MAPK8: variants seen among roughly 807,000 people sequenced by gnomAD.
MAPK8 encodes the protein mitogen-activated protein kinase 8.
A neutral mutation model predicts 52.9 loss-of-function variants in MAPK8; 13 were observed. The observed-to-expected ratio is 0.25, with a 90% CI of 0.16 to 0.39. The LOEUF (loss-of-function observed/expected upper bound fraction) is 0.39. Among genes scored for constraint, MAPK8 ranks in the 10% least tolerant of loss-of-function variants. The pLI, the probability that MAPK8 is intolerant of heterozygous loss-of-function variation, is 1.00. For synonymous variants in MAPK8, 191 were observed against 169.8 expected, an observed-to-expected ratio of 1.12 and a Z score of -0.97; for missense variants, 300 against 519.2, an observed-to-expected ratio of 0.58 and a Z score of 4.10.
At chr10:48,381,180 A>G in intron 1 of MAPK8, among the ~76,000 whole-genome samples, 1 of 152,240 alleles carries the variant, frequency 6.6e-6, no homozygotes, top group South Asian at 2.1e-4. Context: ...TACAATAAAC[A>G]GATCCATCTG....
chr10:48,366,681 C>A (rs1213314801), intron 1 of MAPK8, among the ~76,000 whole-genome samples: 1 of 152,120 alleles, frequency 6.6e-6, no homozygotes, highest in East Asian at 1.9e-4. Context: ...TTATTCTCTT[C>A]TATTTCACTA....
intron 1 of MAPK8, among the ~76,000 whole-genome samples, chr10:48,342,491 A>T (rs1845389979): frequency 6.6e-6 from 1 of 152,248 alleles, no homozygotes; most frequent in Non-Finnish European, 1.5e-5. Context: ...TTGAATGAGG[A>T]ATCAGTGAGC....
At chr10:48,359,810 T>G (rs1847352877) in intron 1 of MAPK8, among the ~76,000 whole-genome samples, 1 of 152,174 alleles carries the variant, frequency 6.6e-6, no homozygotes, top group African/African-American at 2.4e-5. Context: ...GTATAAAGCT[T>G]TTAATAACAT....
At chr10:48,403,211 G>T (rs544576409) in intron 2 of MAPK8, among the ~76,000 whole-genome samples, 47 of 152,206 alleles carry the variant, frequency 3.1e-4, no homozygotes, top group Middle Eastern at 6.8e-3. Flanking sequence ...TATAATCCCC[G>T]CACTTTGGGA....
chr10:48,404,930 C>G lies in MAPK8; in HGVS notation c.201C>G (p.Ala67=), dbSNP rs1248444891. 1.2e-6 allele frequency: 2 copies of G among 1,608,822 alleles called. No individual in the cohort carries two copies. Among genetic ancestry groups the G allele is most frequent in the African/African-American group, 1.3e-5 (1 of 74,726 alleles). The change falls in exon 3 of 12, where the codon GCC becomes GCG. Residue 67 remains alanine (A), a synonymous_variant. Transcript: ENST00000374189. ...GACCATTTCAGAATCAGACTCATGC[C>G]AAGCGGGCCTACAGAGAGCTAGTTC... ...LSRPFQNQTH[A]KRAYRELVLM...
At chr10:48,340,229 A>G (rs771223114) in intron 1 of MAPK8, among the ~76,000 whole-genome samples, 5 of 152,240 alleles carry the variant, frequency 3.3e-5, no homozygotes, top group Non-Finnish European at 5.9e-5. Flanking sequence ...ATAATCAGGA[A>G]TGAAATAATG....
rs779368787 is a variant in MAPK8 at position 48,434,861 on chromosome 10, C to T, written c.1139-23C>T. The T allele has an allele frequency of 3.8e-6, 6 of 1,586,300 alleles. No individual in the cohort carries two copies. The East Asian group carries it at 9.2e-5, about 24-fold the overall frequency. On this transcript the variant is annotated intron_variant, in intron 11 of 11. Coordinates refer to ENST00000374189, the MANE Select transcript of MAPK8 (RefSeq NM_001323329.2). ...TCTGCAGCTGTCTGCAACTGATTTG[C>T]TGTTTTGTTTCTCATAGCACAGGTG...
At chr10:48,403,046 T>TGA (rs2042239649) in intron 2 of MAPK8, among the ~76,000 whole-genome samples, 1 of 152,168 alleles carries the variant, frequency 6.6e-6, no homozygotes, top group African/African-American at 2.4e-5. Context: ...TATTTATGGA[T>TGA]TATATATATG....
chr10:48,428,131 A>C (rs766963278), intron 10 of MAPK8, among the ~76,000 whole-genome samples: 19 of 152,210 alleles, frequency 1.2e-4, no homozygotes, highest in Non-Finnish European at 2.4e-4. Flanking sequence ...CCTTGCCTAC[A>C]GAATGGGTTA....
At chr10:48,384,291 A>G (rs1270364953) in intron 1 of MAPK8, among the ~76,000 whole-genome samples, 1 of 152,208 alleles carries the variant, frequency 6.6e-6, no homozygotes, top group African/African-American at 2.4e-5. Flanking sequence ...CACCTTCACC[A>G]AAGACTTATG....
intron 1 of MAPK8, among the ~76,000 whole-genome samples, chr10:48,374,591 C>T (rs867766322): frequency 6.6e-6 from 1 of 152,178 alleles, no homozygotes; most frequent in East Asian, 1.9e-4. Flanking sequence ...CAACTACCAT[C>T]AGAGAATACT....
chr10:48,416,118 G>T (rs1367094536), intron 5 of MAPK8, among the ~76,000 whole-genome samples: 1 of 152,160 alleles, frequency 6.6e-6, no homozygotes. Flanking sequence ...CCCTTGGCTA[G>T]TACTTCTGCT....
At chr10:48,418,761 A>G (rs2043194572) in intron 5 of MAPK8, among the ~76,000 whole-genome samples, 1 of 152,194 alleles carries the variant, frequency 6.6e-6, no homozygotes, top group Admixed American at 6.5e-5. Flanking sequence ...ATGAATTTCA[A>G]TTAATAGTCT....
Position 48,351,506 on chromosome 10 carries a change from C to T in MAPK8, c.-50+44685C>T, listed in dbSNP as rs146932678. On this transcript the variant is annotated intron_variant, in intron 1 of 11. Coordinates refer to ENST00000374189, the MANE Select transcript of MAPK8 (RefSeq NM_001323329.2). Reference sequence around the variant, plus strand: ...ATTGTACCCATGAGTCATGGCACCTCGCCCTGACACAAATTTTAAAGGAGT... The same window carrying T: ...ATTGTACCCATGAGTCATGGCACCTTGCCCTGACACAAATTTTAAAGGAGT... Among the ~76,000 whole-genome samples, 533 of 151,780 alleles carry T rather than the reference C, an allele frequency of 3.5e-3. 5 individuals are homozygous for T. Among genetic ancestry groups the T allele is most frequent in the African/African-American group, 0.011 (448 of 41,372 alleles).
intron 1 of MAPK8, among the ~76,000 whole-genome samples, chr10:48,350,175 A>T (rs943797756): frequency 6.6e-6 from 1 of 152,248 alleles, no homozygotes; most frequent in African/African-American, 2.4e-5. Flanking sequence ...TCACAGCCGA[A>T]TTCTACCAGA....
At chr10:48,339,125 G>A (rs188724964) in intron 1 of MAPK8, among the ~76,000 whole-genome samples, 1 of 151,982 alleles carries the variant, frequency 6.6e-6, no homozygotes, top group African/African-American at 2.4e-5. Context: ...GCCTAAATAG[G>A]TAGAGCGATC....
intron 1 of MAPK8, among the ~76,000 whole-genome samples, chr10:48,377,385 C>T (rs1206904027): frequency 3.3e-5 from 5 of 152,002 alleles, no homozygotes; most frequent in African/African-American, 9.7e-5. Flanking sequence ...TTTCTTGGAC[C>T]CGTGGTAGAA....
chr10:48,327,532 G>T (rs1330300576), intron 1 of MAPK8, among the ~76,000 whole-genome samples: 1 of 152,092 alleles, frequency 6.6e-6, no homozygotes, highest in Non-Finnish European at 1.5e-5. Flanking sequence ...GAAAGATACT[G>T]GTCTGTAGCT....
At chr10:48,326,492 T>C (rs997522538) in intron 1 of MAPK8, among the ~76,000 whole-genome samples, 1 of 152,214 alleles carries the variant, frequency 6.6e-6, no homozygotes, top group Non-Finnish European at 1.5e-5. Flanking sequence ...TAAGGAGCAC[T>C]GTTTCCTTTA....
Sources: gnomAD v4.1 joint callset for allele counts (sites outside exome capture counted in the v4.1 genomes callset) on GRCh38, gnomAD v4.1.1 for gene constraint, MANE v1.5 for transcripts, NCBI Gene and HGNC (gene_info 2026-07-23, HGNC 2026-07-21) for gene names.